The following TSEN2 variants were observed in gnomAD, a reference collection of about 807,000 sequenced individuals.
TSEN2 encodes tRNA splicing endonuclease subunit 2.
In TSEN2, 54 loss-of-function variants were observed where a neutral mutation model predicts 59.2. The observed-to-expected ratio is 0.91, with a 90% CI of 0.73 to 1.14. The LOEUF (loss-of-function observed/expected upper bound fraction) is 1.14, where lower values mean the gene tolerates loss of function less well. Ranked by LOEUF, TSEN2 falls within the 50% of genes most tolerant of loss-of-function variation. The pLI is 0.00. For synonymous variants in TSEN2, 195 were observed against 198.2 expected (o/e 0.98, Z 0.14); for missense variants, 636 against 576.2 (o/e 1.10, Z -1.06).
chr3:12,502,428 C>T lies in TSEN2; in HGVS notation c.309-834C>T, dbSNP rs902110174. 3.9e-5 allele frequency among the ~76,000 whole-genome samples: 6 copies of T among 152,052 alleles called. No homozygotes were observed. In the East Asian group the frequency reaches 9.7e-4, roughly 24 times the overall value. ...ACGCAAGCCTGTCATCCTAGCTACT[C>T]GGGAGGCTGAGGCAGAAGAATCGCT... On this transcript the variant is annotated intron_variant, in intron 4 of 11. Transcript: ENST00000284995.
Position 12,492,287 on chromosome 3 carries a change from C to T in TSEN2, c.271+70C>T. ...TTCCTTTGTTTTTGATCTTATATCT[C>T]AGGCTATATAGTAAAATTCTAGAGA... is the stretch of plus-strand genomic sequence containing the variant. On this transcript the variant is annotated intron_variant, in intron 3 of 11. Coordinates refer to ENST00000284995, the MANE Select transcript of TSEN2 (RefSeq NM_025265.4). The T allele has an allele frequency of 4.5e-6, 6 of 1,343,270 alleles. No homozygotes were observed. In the South Asian group the frequency reaches 4.7e-5, roughly 11 times the overall value. 83.2% of individuals were successfully genotyped at this position (1,343,270 alleles called of 1,614,324 possible). A position where few individuals can be genotyped will look rare whatever the true frequency, so the allele number is the denominator to read the frequency against.
At chr3:12,505,077 G>A (rs904535739) in intron 5 of TSEN2, 77 bp from the exon 6 acceptor site, 2 of 881,558 alleles carry the variant, frequency 2.3e-6, no homozygotes, top group African/African-American at 1.7e-5. Flanking sequence ...TAAGAAAAAT[G>A]TTCATTTTAA....
At chr3:12,534,543 CTG>C (rs1479086848), downstream of TSEN2, among the ~76,000 whole-genome samples, 1 of 152,072 alleles carries the variant, frequency 6.6e-6, no homozygotes, top group Non-Finnish European at 1.5e-5. Flanking sequence ...CCAAAAAACA[CTG>C]TAATCCCAGC....
At chr3:12,483,911 G>C (rs965368838), upstream of TSEN2, among the ~76,000 whole-genome samples, 2 of 152,204 alleles carry the variant, frequency 1.3e-5, no homozygotes, top group Admixed American at 1.3e-4. Context: ...AGCTCACGCA[G>C]CCAGTGAGGG....
At position 12,529,876 on chromosome 3, in the gene TSEN2, A is replaced by G; in HGVS notation, c.1248+3A>G. ...GAGTTTCCGTTAATGTCTCTAAGGT[A>G]ACACAACATCAGCTTTGCCATTGGA... On this transcript the variant is annotated splice_donor_region_variant and intron_variant, in intron 10 of 11. Transcript: ENST00000284995. 1 of 1,613,686 alleles carries G rather than the reference A, an allele frequency of 6.2e-7. No individual in the cohort carries two copies. The highest frequency in any genetic ancestry group is 8.5e-7 in the Non-Finnish European group (1 of 1,179,922).
chr3:12,502,633 A>C (rs182117877), intron 4 of TSEN2, among the ~76,000 whole-genome samples: 2 of 150,372 alleles, frequency 1.3e-5, no homozygotes, highest in African/African-American at 4.9e-5. Flanking sequence ...GTTTTAAATT[A>C]GATAAATTTT....
intron 8 of TSEN2, among the ~76,000 whole-genome samples, chr3:12,527,460 T>C (rs2057177102): frequency 6.7e-6 from 1 of 149,934 alleles, no homozygotes; most frequent in Non-Finnish European, 1.5e-5. Flanking sequence ...TTTTTTCTTT[T>C]TTTTTTTTTT....
At chr3:12,501,788 C>G (rs886692580) in intron 4 of TSEN2, among the ~76,000 whole-genome samples, 1 of 152,152 alleles carries the variant, frequency 6.6e-6, no homozygotes, top group Non-Finnish European at 1.5e-5. Context: ...GTCTTGGATG[C>G]CTTTCAGACT....
At chr3:12,512,651 C>CA (rs1378413503) in intron 6 of TSEN2, among the ~76,000 whole-genome samples, 2 of 152,248 alleles carry the variant, frequency 1.3e-5, no homozygotes, top group Non-Finnish European at 2.9e-5. Context: ...CCTGGTTAGG[C>CA]ACCTACAACT....
chr3:12,499,883 A>G (rs73029271), intron 4 of TSEN2, among the ~76,000 whole-genome samples: 3,895 of 152,328 alleles, frequency 0.026, 67 homozygotes, highest in Non-Finnish European at 0.041. Flanking sequence ...CTGTGGCCCC[A>G]GAACCTATGT....
At chr3:12,490,305 T>G (rs1009172041) in intron 2 of TSEN2, among the ~76,000 whole-genome samples, 3 of 152,206 alleles carry the variant, frequency 2.0e-5, no homozygotes, top group African/African-American at 7.2e-5. Context: ...ACAAAAAAAG[T>G]AATTTACAGA....
At chr3:12,493,164 T>G (rs2124959306) in intron 3 of TSEN2, among the ~76,000 whole-genome samples, 1 of 152,376 alleles carries the variant, frequency 6.6e-6, no homozygotes, top group South Asian at 2.1e-4. Context: ...TGCCTTTAGC[T>G]CATCTGCTGA....
intron 8 of TSEN2, among the ~76,000 whole-genome samples, chr3:12,522,814 G>A (rs1404933317): frequency 1.3e-5 from 2 of 152,186 alleles, no homozygotes; most frequent in African/African-American, 4.8e-5. Context: ...ATCAAGTGCA[G>A]CTGCCAACCT....
chr3:12,493,181 CTT>C (rs1216012630), intron 3 of TSEN2, among the ~76,000 whole-genome samples: 2 of 152,096 alleles, frequency 1.3e-5, no homozygotes, highest in Non-Finnish European at 2.9e-5. Flanking sequence ...CTGATGGACA[CTT>C]AGATTGTTTC....
At chr3:12,482,843 G>A (rs893823190), upstream of TSEN2, among the ~76,000 whole-genome samples, 12 of 152,116 alleles carry the variant, frequency 7.9e-5, no homozygotes, top group Non-Finnish European at 1.8e-4. Context: ...TGTTCTGGTC[G>A]GATATTACAG....
At chr3:12,531,723 C>T (rs2057470313) in intron 11 of TSEN2, 64 bp downstream of exon 11, 2 of 1,107,338 alleles carry the variant, frequency 1.8e-6, no homozygotes, top group Non-Finnish European at 1.4e-6. Context: ...GTATCTGGAA[C>T]ATGTGGTCCC....
intron 7 of TSEN2, among the ~76,000 whole-genome samples, chr3:12,518,718 T>C (rs919827903): frequency 1.4e-5 from 2 of 142,104 alleles, no homozygotes; most frequent in African/African-American, 2.7e-5. Context: ...TTTTTTTTTT[T>C]CATACTGAGT....
chr3:12,531,395 G>C (rs2057450162), intron 10 of TSEN2, 175 bp from the exon 11 acceptor site: 1 of 604,418 alleles, frequency 1.7e-6, no homozygotes, highest in South Asian at 2.0e-5. Flanking sequence ...CAGGTACTTA[G>C]TCAGAACGTA....
chr3:12,493,880 T>G (rs1344675791), intron 3 of TSEN2, among the ~76,000 whole-genome samples: 1 of 152,252 alleles, frequency 6.6e-6, no homozygotes, highest in East Asian at 1.9e-4. Flanking sequence ...GCTTTTGGTA[T>G]CTATTTAAGA....
Sources: allele counts gnomAD v4.1 joint callset (sites outside exome capture counted in the v4.1 genomes callset), GRCh38; gene constraint gnomAD v4.1.1; transcripts MANE v1.5; gene names NCBI Gene and HGNC (gene_info 2026-07-23, HGNC 2026-07-21).